Variants in SLC15A5 observed in about 807,000 individuals in gnomAD.
The protein encoded by SLC15A5 is solute carrier family 15 member 5.
Under a neutral mutation model 56.1 loss-of-function variants are expected in SLC15A5, and 58 were observed. That is an observed-to-expected ratio of 1.03 (90% confidence interval 0.84 to 1.29). SLC15A5 has a LOEUF of 1.29. Ranked by LOEUF, SLC15A5 falls within the 50% of genes most tolerant of loss-of-function variation. The pLI is 0.00. For missense variants in SLC15A5, 681 were observed against 672.1 expected, an observed-to-expected ratio of 1.01 and a Z score of -0.15; for synonymous variants, 264 against 250.5, an observed-to-expected ratio of 1.05 and a Z score of -0.51.
At chr12:16,245,631 C>G (rs556107366) in intron 3 of SLC15A5, among the ~76,000 whole-genome samples, 104 of 152,270 alleles carry the variant, frequency 6.8e-4, no homozygotes, top group African/African-American at 2.3e-3. Context: ...ATGATAGTTA[C>G]AGGTTTTCAT....
At chr12:16,231,376 G>GA (rs1375492521) in intron 5 of SLC15A5, among the ~76,000 whole-genome samples, 1 of 151,932 alleles carries the variant, frequency 6.6e-6, no homozygotes, top group South Asian at 2.1e-4. Context: ...GACAAAAATT[G>GA]AAAAAAATGT....
chr12:16,261,247 C>G (rs1864640460), intron 2 of SLC15A5, among the ~76,000 whole-genome samples: 1 of 152,148 alleles, frequency 6.6e-6, no homozygotes, highest in African/African-American at 2.4e-5. Context: ...CTTCTCATTT[C>G]CCCTTCCTCA....
At chr12:16,223,785 G>A (rs1176911919) in intron 6 of SLC15A5, among the ~76,000 whole-genome samples, 3 of 151,620 alleles carry the variant, frequency 2.0e-5, no homozygotes, top group Non-Finnish European at 2.9e-5. Context: ...GCACAATCTC[G>A]GCTCACTGCA....
intron 1 of SLC15A5, among the ~76,000 whole-genome samples, chr12:16,273,558 CA>C (rs1229611352): frequency 6.6e-6 from 1 of 152,070 alleles, no homozygotes; most frequent in African/African-American, 2.4e-5. Context: ...CAAGCATGCT[CA>C]TGGACTATAT....
At chr12:16,189,947 T>C in intron 8 of SLC15A5, 132 bp from the exon 9 acceptor site, 1 of 663,440 alleles carries the variant, frequency 1.5e-6, no homozygotes, top group East Asian at 3.0e-5. Context: ...GACGATTATT[T>C]AAGAGCACTG....
chr12:16,192,455 T>A (rs1303902683), intron 8 of SLC15A5, among the ~76,000 whole-genome samples: 2 of 152,194 alleles, frequency 1.3e-5, no homozygotes, highest in Middle Eastern at 3.4e-3. Flanking sequence ...TCTTACCTCC[T>A]CCTCTGCACT....
intron 8 of SLC15A5, among the ~76,000 whole-genome samples, chr12:16,190,664 G>A (rs574303614): frequency 1.3e-5 from 2 of 152,128 alleles, no homozygotes; most frequent in East Asian, 3.9e-4. Flanking sequence ...AATAGATGGG[G>A]TCAGTCATCT....
chr12:16,207,971 A>G (rs911110107), intron 7 of SLC15A5, among the ~76,000 whole-genome samples: 1 of 151,960 alleles, frequency 6.6e-6, no homozygotes, highest in African/African-American at 2.4e-5. Context: ...CGATCTTAAC[A>G]CTTGTCTTCT....
chr12:16,257,597 C>A (rs527563221), intron 3 of SLC15A5, 104 bp downstream of exon 3: 5 of 973,592 alleles, frequency 5.1e-6, no homozygotes, highest in South Asian at 6.5e-5. Context: ...ACACAATTTT[C>A]AAATTCTGAG....
chr12:16,270,924 A>G (rs1361159909), intron 2 of SLC15A5, among the ~76,000 whole-genome samples: 1 of 152,230 alleles, frequency 6.6e-6, no homozygotes, highest in Non-Finnish European at 1.5e-5. Context: ...TTCAGCCTTC[A>G]AGGATCTTAC....
chr12:16,265,923 G>A (rs1176862187), intron 2 of SLC15A5, among the ~76,000 whole-genome samples: 1 of 152,142 alleles, frequency 6.6e-6, no homozygotes, highest in African/African-American at 2.4e-5. Context: ...ACCTAGCACA[G>A]TACTAGGTTC....
rs1409401864 is a variant in SLC15A5 at position 16,244,708 on chromosome 12, G to T, written c.847C>A (p.Gln283Lys). 6.5e-7 allele frequency: 1 copy of T among 1,537,548 alleles called. No individual in the cohort carries two copies. Residue 283 changes from glutamine to lysine, a missense_variant, in exon 4 of 9, where the codon CAG becomes AAG. Physicochemically the swap from Gln to Lys is moderately conservative, Grantham distance 53 (BLOSUM62 1). Transcript: ENST00000344941. ...TTTTTTTCTTTGGCATGGTCTAACT[G>T]GCTTGTCACGTCTCTGCCAAGATGG... is the stretch of plus-strand genomic sequence containing the variant. ...YCHLGRDVTS[Q>K]LDHAKEKNGG...
rs547430592 is a variant in SLC15A5, at chr12:16,273,661, C to T, written c.362-878G>A. ...AAATAAGTTCAGTGAGATTAAGTGG[C>T]TTGCCCAATGTTATAAAGTAACCCA... On this transcript the variant is annotated intron_variant, in intron 1 of 8. Transcript: ENST00000344941. Among the ~76,000 whole-genome samples, 23 of 151,568 alleles carry T rather than the reference C, an allele frequency of 1.5e-4. No homozygotes were observed. In the East Asian group the frequency reaches 4.3e-3, roughly 28 times the overall value.
chr12:16,250,170 T>C (rs1052947875), intron 3 of SLC15A5, among the ~76,000 whole-genome samples: 2 of 152,090 alleles, frequency 1.3e-5, no homozygotes, highest in Non-Finnish European at 2.9e-5. Flanking sequence ...TTTAATTATA[T>C]TATGTCTCAG....
At chr12:16,259,019 CTTTCCT>C (rs1864610672) in intron 2 of SLC15A5, among the ~76,000 whole-genome samples, 1 of 57,430 alleles carries the variant, frequency 1.7e-5, no homozygotes, top group Non-Finnish European at 3.3e-5. Context: ...TCTTTTCTTT[CTTTCCT>C]TTTTTTTTTT....
At chr12:16,270,875 A>G (rs751419304) in intron 2 of SLC15A5, among the ~76,000 whole-genome samples, 5 of 152,202 alleles carry the variant, frequency 3.3e-5, no homozygotes, top group African/African-American at 4.8e-5. Flanking sequence ...GTAGTTTAGT[A>G]TTTAAACTGG....
chr12:16,226,984 G>A (rs781050787), intron 5 of SLC15A5, among the ~76,000 whole-genome samples: 2 of 152,064 alleles, frequency 1.3e-5, no homozygotes, highest in African/African-American at 4.8e-5. Context: ...TGTTTAAATA[G>A]CTTAGTGTTT....
Position 16,239,794 on chromosome 12 carries a change from A to C in SLC15A5, c.1049T>G (p.Val350Gly), listed in dbSNP as rs1392876861. ...NLDGFLLPIA[V>G]MNAISSLPLL... is the part of the protein sequence containing the mutation. ...TGGTAGGCTGCTGATGGCATTCATTACTGCAATCGGCAGAAGAAATCCATC... is the reference window on the plus strand; with the variant it reads ...TGGTAGGCTGCTGATGGCATTCATTCCTGCAATCGGCAGAAGAAATCCATC... Residue 350 changes from valine (V) to glycine (G), a missense_variant, in exon 5 of 9, where the codon GTA becomes GGA. Coordinates refer to ENST00000344941, the MANE Select transcript of SLC15A5 (RefSeq NM_001170798.1). 1 of 1,537,310 alleles carries C rather than the reference A, an allele frequency of 6.5e-7. No individual in the cohort carries two copies. Among genetic ancestry groups the C allele is most frequent in the Admixed American group, 2.0e-5 (1 of 51,004 alleles).
At chr12:16,215,350 A>G (rs1864122090) in intron 7 of SLC15A5, among the ~76,000 whole-genome samples, 1 of 152,130 alleles carries the variant, frequency 6.6e-6, no homozygotes, top group African/African-American at 2.4e-5. Flanking sequence ...TGGTAGTAAT[A>G]TTTGACTTTG....
Sources: gnomAD v4.1 joint callset for allele counts (sites outside exome capture counted in the v4.1 genomes callset) on GRCh38, gnomAD v4.1.1 for gene constraint, MANE v1.5 for transcripts, NCBI Gene and HGNC (gene_info 2026-07-23, HGNC 2026-07-21) for gene names.